Variants in SGK1 observed in about 807,000 individuals in gnomAD.
SGK1 encodes the protein serine/threonine-protein kinase Sgk1.
A neutral mutation model predicts 64.2 loss-of-function variants in SGK1; 26 were observed. The observed-to-expected ratio is 0.40, with a 90% confidence interval of 0.30 to 0.56. SGK1 has a LOEUF of 0.56. Among genes scored for constraint, SGK1 ranks in the 20% least tolerant of loss-of-function variants. SGK1 has a pLI of 0.38. For synonymous variants in SGK1, 265 were observed against 239.7 expected (o/e 1.11, Z -0.98); for missense variants, 519 against 645.6 (o/e 0.80, Z 2.12).
At position 134,246,989 on chromosome 6, in the gene SGK1, A is replaced by G. The variant is rs537767495; in HGVS notation, c.285+14944T>C. Among the ~76,000 whole-genome samples the G allele has an allele frequency of 6.6e-5, 10 of 152,260 alleles. No individual in the cohort carries two copies. In the South Asian group the frequency reaches 1.7e-3, roughly 25 times the overall value. The stretch of plus-strand genomic sequence containing the variant: ...CTAACACCAAAACCATGCTTGATGC[A>G]TAGTAGGGCCAGTGATTTATTTTTT... On this transcript the variant is annotated intron_variant, in intron 2 of 13. Coordinates refer to ENST00000367858, the MANE Select transcript of SGK1 (RefSeq NM_001143676.3).
chr6:134,268,198 A>G (rs1776882467), intron 1 of SGK1, among the ~76,000 whole-genome samples: 1 of 152,078 alleles, frequency 6.6e-6, no homozygotes, highest in African/African-American at 2.4e-5. Flanking sequence ...GCTTTACTGG[A>G]GGGAGTAGCT....
intron 1 of SGK1, chr6:134,297,339 C>T (rs372733838): frequency 1.1e-5 from 12 of 1,077,040 alleles, no homozygotes; most frequent in Admixed American, 3.5e-5. Flanking sequence ...CTGCTAGGCC[C>T]GCTGCAGGGC....
intron 1 of SGK1, among the ~76,000 whole-genome samples, chr6:134,284,535 G>A (rs921312119): frequency 3.3e-5 from 5 of 149,956 alleles, no homozygotes; most frequent in African/African-American, 9.8e-5. Context: ...GCCCAGGCTG[G>A]AGTACAATGG....
intron 3 of SGK1, among the ~76,000 whole-genome samples, chr6:134,180,743 C>T (rs143081084): frequency 2.2e-3 from 337 of 151,866 alleles, no homozygotes; most frequent in African/African-American, 6.4e-3. Flanking sequence ...CATGGTGGCA[C>T]GCCTGTAGTC....
intron 1 of SGK1, among the ~76,000 whole-genome samples, chr6:134,303,907 C>A (rs868500335): frequency 1.3e-5 from 2 of 152,144 alleles, no homozygotes; most frequent in African/African-American, 4.8e-5. Context: ...GGCCCAATGA[C>A]GTTTTGTTTT....
At chr6:134,279,003 C>A (rs181252517) in intron 1 of SGK1, among the ~76,000 whole-genome samples, 1 of 152,098 alleles carries the variant, frequency 6.6e-6, no homozygotes, top group Non-Finnish European at 1.5e-5. Flanking sequence ...TTTAAATAAT[C>A]AAAATAATTT....
chr6:134,214,257 TGC>T (rs1488361321), intron 2 of SGK1, among the ~76,000 whole-genome samples: 1 of 152,134 alleles, frequency 6.6e-6, no homozygotes, highest in Non-Finnish European at 1.5e-5. Flanking sequence ...AACTTTTTTT[TGC>T]CTAACCACCA....
intron 2 of SGK1, among the ~76,000 whole-genome samples, chr6:134,216,184 T>G (rs1026057561): frequency 1.3e-5 from 2 of 152,220 alleles, no homozygotes; most frequent in Non-Finnish European, 1.5e-5. Context: ...GGTTTGTCTC[T>G]GATTCCTTTT....
chr6:134,200,567 A>C (rs1775664659), intron 3 of SGK1, among the ~76,000 whole-genome samples: 1 of 152,170 alleles, frequency 6.6e-6, no homozygotes, highest in African/African-American at 2.4e-5. Flanking sequence ...TTCTATTTCT[A>C]TCAAGCAATG....
intron 1 of SGK1, among the ~76,000 whole-genome samples, chr6:134,283,873 CAAAAAAAAAAAAAAA>C (rs35999916): frequency 8.0e-4 from 21 of 26,154 alleles, no homozygotes; most frequent in African/African-American, 2.2e-3. Flanking sequence ...CTGCCACCAC[CAAAAAAAAAAAAAAA>C]AAAAAAAAAA....
At chr6:134,266,722 A>G (rs1314758878) in intron 1 of SGK1, among the ~76,000 whole-genome samples, 1 of 152,216 alleles carries the variant, frequency 6.6e-6, no homozygotes, top group Non-Finnish European at 1.5e-5. Context: ...TAGTAGGTAT[A>G]TTAAGAATGT....
chr6:134,189,666 C>G (rs959224957), intron 3 of SGK1, among the ~76,000 whole-genome samples: 1 of 152,190 alleles, frequency 6.6e-6, no homozygotes, highest in Non-Finnish European at 1.5e-5. Context: ...AGCACAAGCA[C>G]AGATCATCAC....
chr6:134,200,318 G>A (rs1042565033), intron 3 of SGK1, among the ~76,000 whole-genome samples: 4 of 152,096 alleles, frequency 2.6e-5, no homozygotes, highest in African/African-American at 9.7e-5. Context: ...TCCCTATGAT[G>A]AGCATATGCC....
chr6:134,283,643 T>C (rs981345541), intron 1 of SGK1, among the ~76,000 whole-genome samples: 2 of 150,596 alleles, frequency 1.3e-5, no homozygotes, highest in Non-Finnish European at 3.0e-5. Flanking sequence ...AGCCTGGGAG[T>C]TTGAGATCAG....
At chr6:134,298,641 G>T in intron 1 of SGK1, 3 of 1,330,484 alleles carry the variant, frequency 2.3e-6, no homozygotes, top group Non-Finnish European at 3.2e-6. Context: ...GCTGCTGAAG[G>T]CCCGGGGGCC....
chr6:134,289,076 G>T (rs890294565), intron 1 of SGK1, among the ~76,000 whole-genome samples: 1 of 152,144 alleles, frequency 6.6e-6, no homozygotes, highest in Non-Finnish European at 1.5e-5. Flanking sequence ...TGCAATAAAA[G>T]TTCTTGTTTT....
Position 134,243,628 on chromosome 6 carries a change from G to A in SGK1, c.285+18305C>T, listed in dbSNP as rs557160734. Among the ~76,000 whole-genome samples, 5 of 152,102 alleles carry A rather than the reference G, an allele frequency of 3.3e-5. No individual in the cohort carries two copies. The East Asian group carries it at 9.7e-4, about 29-fold the overall frequency. ...AGGTGATCTGCTTGCCTTGGCCTCC[G>A]AAAGTGCTGGGATTACAGGCACGAG... On this transcript the variant is annotated intron_variant, in intron 2 of 13. Transcript: ENST00000367858.
intron 2 of SGK1, among the ~76,000 whole-genome samples, chr6:134,214,698 T>C (rs1775949823): frequency 6.6e-6 from 1 of 152,138 alleles, no homozygotes; most frequent in Non-Finnish European, 1.5e-5. Flanking sequence ...TTGAATAAAA[T>C]TTGAATTTAA....
chr6:134,263,443 G>A (rs998222658), intron 1 of SGK1, among the ~76,000 whole-genome samples: 17 of 149,010 alleles, frequency 1.1e-4, no homozygotes, highest in Non-Finnish European at 1.8e-4. Flanking sequence ...ACTAAGTTGC[G>A]CAGGCTGGTA....
Sources: allele counts gnomAD v4.1 joint callset (sites outside exome capture counted in the v4.1 genomes callset), GRCh38; gene constraint gnomAD v4.1.1; transcripts MANE v1.5; gene names NCBI Gene and HGNC (gene_info 2026-07-23, HGNC 2026-07-21).